PAM: variants seen among roughly 807,000 people sequenced by gnomAD.
PAM encodes peptidyl-glycine alpha-amidating monooxygenase.
In PAM, 72 loss-of-function variants were observed where a neutral mutation model predicts 122.1. The ratio of observed to expected loss-of-function variants is 0.59; its 90% CI spans 0.49 to 0.72. The LOEUF (loss-of-function observed/expected upper bound fraction) is 0.72, where lower values mean the gene tolerates loss of function less well. Ranked by LOEUF, PAM falls within the 30% of genes least tolerant of loss-of-function variation. The pLI, the probability that PAM is intolerant of heterozygous loss-of-function variation, is 0.00. For synonymous variants in PAM, 389 were observed against 404.4 expected, an observed-to-expected ratio of 0.96 and a Z score of 0.46; for missense variants, 1,106 against 1,183.7, an observed-to-expected ratio of 0.93 and a Z score of 0.96.
Position 102,949,961 on chromosome 5 carries a change from A to G in PAM, c.784A>G (p.Ser262Gly), listed in dbSNP as rs1758252392. Residue 262 changes from serine to glycine, a missense_variant, in exon 11 of 26, where the codon AGC (serine) becomes GGC (glycine). By Grantham distance (56) the Ser-to-Gly change is moderately conservative. Transcript: ENST00000438793. ...NGQWTLIGRQSPQLPQAFYPV... is the reference protein window; with the variant it reads ...NGQWTLIGRQGPQLPQAFYPV... Reference sequence around the variant, plus strand: ...ACAGTGGACACTGATTGGACGGCAGAGCCCTCAGCTGCCACAGGTGGGTAA... The same window carrying G: ...ACAGTGGACACTGATTGGACGGCAGGGCCCTCAGCTGCCACAGGTGGGTAA... The G allele has an allele frequency of 1.9e-6, 3 of 1,577,440 alleles. No individual in the cohort carries two copies. The South Asian group carries it at 3.3e-5, about 18-fold the overall frequency.
At chr5:103,014,190 G>A (rs1781389658) in intron 21 of PAM, among the ~76,000 whole-genome samples, 2 of 152,096 alleles carry the variant, frequency 1.3e-5, no homozygotes, top group African/African-American at 4.8e-5. Context: ...TGTCAACCAG[G>A]ATATTAACTT....
chr5:103,003,085 G>A lies in PAM; in HGVS notation c.1666G>A (p.Glu556Lys), dbSNP rs1777880380. Residue 556 changes from glutamate (E) to lysine (K), a missense_variant, in exon 17 of 26, where the codon GAA (glutamate) becomes AAA (lysine). This residue lies in a region of PAM where 670 missense variants were observed against 690.3 expected (regional missense o/e 0.97). Transcript: ENST00000438793. Reference protein sequence around the residue: ...YQQIGLGPIEEDTILVIDPNN... With the variant: ...YQQIGLGPIEKDTILVIDPNN... ...GCAAATAGGACTCGGACCAATTGAA[G>A]AAGACACTATTCTTGTCATAGATCC... 6.2e-7 allele frequency: 1 copy of A among 1,609,658 alleles called. No individual in the cohort carries two copies. The highest frequency in any genetic ancestry group is 8.5e-7 in the Non-Finnish European group (1 of 1,176,130).
chr5:102,815,501 C>T (rs1213608997), intron 1 of PAM, among the ~76,000 whole-genome samples: 1 of 152,166 alleles, frequency 6.6e-6, no homozygotes, highest in Non-Finnish European at 1.5e-5. Flanking sequence ...AGTTTAAACA[C>T]CCCCAAACCT....
rs987730700 is a variant in PAM at position 102,882,486 on chromosome 5, G to C, written c.210+15093G>C. 5.3e-5 allele frequency among the ~76,000 whole-genome samples: 8 copies of C among 151,960 alleles called. No individual in the cohort carries two copies. In the East Asian group the frequency reaches 1.5e-3, roughly 29 times the overall value. On this transcript the variant is annotated intron_variant, in intron 3 of 25. Coordinates refer to ENST00000438793, the MANE Select transcript of PAM (RefSeq NM_001177306.2). ...TTTCCATGATTATTAGGGATGTTGA[G>C]CATTTTTTCATGTTTCTTGTCCATT...
intron 15 of PAM, among the ~76,000 whole-genome samples, chr5:102,977,658 G>GCACACA (rs10527378): frequency 0.016 from 2,266 of 143,000 alleles, 37 homozygotes; most frequent in South Asian, 0.043. Flanking sequence ...ATGCATGTGC[G>GCACACA]CACACACACA....
intron 4 of PAM, among the ~76,000 whole-genome samples, chr5:102,910,547 T>C (rs1044088183): frequency 6.6e-5 from 10 of 152,022 alleles, no homozygotes; most frequent in African/African-American, 2.4e-4. Flanking sequence ...TTAGCTCCCA[T>C]TGAGACCGAA....
chr5:102,772,001 C>T (rs1289997178), intron 1 of PAM, among the ~76,000 whole-genome samples: 1 of 152,118 alleles, frequency 6.6e-6, no homozygotes, highest in Non-Finnish European at 1.5e-5. Flanking sequence ...TTCCTTCTGG[C>T]ATTAGACATT....
At chr5:103,012,781 G>A (rs539694316) in intron 21 of PAM, among the ~76,000 whole-genome samples, 71 of 151,890 alleles carry the variant, frequency 4.7e-4, no homozygotes, top group African/African-American at 1.4e-3. Context: ...GCGTGAACCC[G>A]GGAGGCAGAG....
chr5:102,812,681 T>C (rs1286860903), intron 1 of PAM, among the ~76,000 whole-genome samples: 2 of 152,128 alleles, frequency 1.3e-5, no homozygotes, highest in Non-Finnish European at 2.9e-5. Context: ...ATTCTATGTT[T>C]AAAAAATCTG....
chr5:102,977,147 C>G (rs927360732), intron 15 of PAM, among the ~76,000 whole-genome samples: 1 of 152,102 alleles, frequency 6.6e-6, no homozygotes, highest in African/African-American at 2.4e-5. Context: ...ATTAATAGAT[C>G]AGCTCAAAAA....
At chr5:102,954,882 C>A (rs1293474021) in intron 12 of PAM, among the ~76,000 whole-genome samples, 1 of 151,978 alleles carries the variant, frequency 6.6e-6, no homozygotes, top group Non-Finnish European at 1.5e-5. Flanking sequence ...TGGAATGGGT[C>A]ATTTCATTAA....
chr5:102,912,555 T>C (rs144996060), intron 4 of PAM, among the ~76,000 whole-genome samples: 8 of 152,070 alleles, frequency 5.3e-5, no homozygotes, highest in African/African-American at 1.7e-4. Flanking sequence ...TCTATAGATA[T>C]AGAATCCTTC....
rs190422555 is a variant in PAM at position 102,900,257 on chromosome 5, G to T, written c.211-1099G>T. On this transcript the variant is annotated intron_variant, in intron 3 of 25. Coordinates refer to ENST00000438793, the MANE Select transcript of PAM (RefSeq NM_001177306.2). The stretch of plus-strand genomic sequence containing the variant: ...CAGGTCTCTTAATGTGTGTGTGTGG[G>T]GGGGGGGCGGGGGGAAGAGGGTAGA... Among the ~76,000 whole-genome samples, 299 of 126,586 alleles carry T rather than the reference G, an allele frequency of 2.4e-3. 13 individuals carry two copies. Among genetic ancestry groups the T allele is most frequent in the African/African-American group, 8.8e-3 (280 of 31,836 alleles). The allele number at this position is 126,586 out of a possible 152,430, so 83.0% of individuals were successfully genotyped here. A position where few individuals can be genotyped will look rare whatever the true frequency, so the allele number is the denominator to read the frequency against.
intron 16 of PAM, among the ~76,000 whole-genome samples, chr5:103,001,373 C>A (rs1777323048): frequency 6.6e-6 from 1 of 151,992 alleles, no homozygotes; most frequent in African/African-American, 2.4e-5. Flanking sequence ...TGGTTCCTAT[C>A]TAATAAAATT....
At position 102,951,166 on chromosome 5, in the gene PAM, G is replaced by C. The variant is rs1282148190; in HGVS notation, c.905+346G>C. 2.0e-5 allele frequency among the ~76,000 whole-genome samples: 3 copies of C among 152,052 alleles called. 1 individual carries two copies. Among genetic ancestry groups the C allele is most frequent in the Admixed American group, 2.0e-4 (3 of 15,234 alleles). On this transcript the variant is annotated intron_variant, in intron 12 of 25. Coordinates refer to ENST00000438793, the MANE Select transcript of PAM (RefSeq NM_001177306.2). ...TTTCTCAAGTGCCTTTTTGCCCTGT[G>C]TTCACGGGGTCTACATTTGGTGATT...
At chr5:102,838,289 T>G (rs967785538) in intron 1 of PAM, 2 of 152,146 alleles carry the variant, frequency 1.3e-5, no homozygotes, top group African/African-American at 4.8e-5. Flanking sequence ...GCCATCATGT[T>G]CTTTGGACAT....
intron 4 of PAM, among the ~76,000 whole-genome samples, chr5:102,904,407 A>T (rs954941414): frequency 2.0e-5 from 3 of 151,518 alleles, no homozygotes; most frequent in African/African-American, 7.3e-5. Context: ...CGACTCAATA[A>T]TTGCTTGCTG....
intron 5 of PAM, among the ~76,000 whole-genome samples, chr5:102,924,447 A>C (rs1581745581): frequency 2.0e-5 from 3 of 151,904 alleles, no homozygotes; most frequent in South Asian, 4.2e-4. Flanking sequence ...AAAAAAAAAA[A>C]AAAACAAAAA....
rs138861657 is a variant in PAM at position 102,899,427 on chromosome 5, A to G, written c.211-1929A>G. ...TTCCCTATTCCAAAAACAATGAGAT[A>G]ACTTATAATAAAATCAAAGATAGAG... On this transcript the variant is annotated intron_variant, in intron 3 of 25. Transcript: ENST00000438793. Among the ~76,000 whole-genome samples the G allele has an allele frequency of 2.5e-3, 380 of 151,788 alleles. 3 individuals are homozygous for G. Among genetic ancestry groups the G allele is most frequent in the African/African-American group, 8.5e-3 (353 of 41,494 alleles).
Sources: allele counts gnomAD v4.1 joint callset (sites outside exome capture counted in the v4.1 genomes callset), GRCh38; gene constraint gnomAD v4.1.1; regional missense constraint gnomAD v4.1.1; transcripts MANE v1.5; gene names NCBI Gene and HGNC (gene_info 2026-07-23, HGNC 2026-07-21).